The following EBF4 variants were observed in gnomAD, a reference collection of about 807,000 sequenced individuals.
The protein encoded by EBF4 is transcription factor COE4.
EBF4 carries 34 observed loss-of-function variants against 67.1 expected under a neutral mutation model. The ratio of observed to expected loss-of-function variants is 0.51; its 90% CI spans 0.39 to 0.67. The LOEUF is 0.67. EBF4 is among the 30% of genes least tolerant of loss of function. The pLI, the probability that EBF4 is intolerant of heterozygous loss-of-function variation, is 0.00. For synonymous variants in EBF4, 387 were observed against 377.7 expected (o/e 1.02, Z -0.29); for missense variants, 837 against 873.3 (o/e 0.96, Z 0.52).
At chr20:2,694,050 C>G (rs955095324) in intron 1 of EBF4, among the ~76,000 whole-genome samples, 2 of 152,342 alleles carry the variant, frequency 1.3e-5, no homozygotes, top group Admixed American at 1.3e-4. Context: ...GCCACCCCAG[C>G]CGGGCTGTCT....
intron 15 of EBF4, 39 bp from the exon 16 acceptor site, chr20:2,758,870 G>A (rs1175296564): frequency 6.5e-7 from 1 of 1,540,672 alleles, no homozygotes; most frequent in South Asian, 1.2e-5. Flanking sequence ...TTCCCAGGTG[G>A]CACATGGCTT....
In EBF4 at chr20:2,756,709, G is replaced by A. The variant is rs1055306477; in HGVS notation, c.1738+885G>A. Among the ~76,000 whole-genome samples the A allele has an allele frequency of 2.6e-4, 39 of 152,366 alleles. No homozygotes were observed. Among genetic ancestry groups the A allele is most frequent in the African/African-American group, 9.4e-4 (39 of 41,592 alleles). ...GTTCACACCCACACAGAAGGCTGCA[G>A]TGCAGTTTGTGGGGCACTGATCTGG... On this transcript the variant is annotated intron_variant, in intron 15 of 16. Coordinates refer to ENST00000609451, the Ensembl canonical transcript of EBF4. This position sits in a 1 kb window ranked among gnomAD's most constrained non-coding sequence, Gnocchi z 4.5.
intron 6 of EBF4, among the ~76,000 whole-genome samples, chr20:2,715,469 T>G (rs1206796506): frequency 6.6e-6 from 1 of 152,238 alleles, no homozygotes; most frequent in Admixed American, 6.5e-5. Flanking sequence ...CAAGAGTTTG[T>G]TTAGGATATA....
rs2088154781 is a variant in EBF4 at position 2,751,957 on chromosome 20, A to AG, written c.1144dup (p.Ala382GlyfsTer9). The AG allele has an allele frequency of 1.3e-6, 2 of 1,548,994 alleles. No homozygotes were observed. The highest frequency in any genetic ancestry group is 1.7e-6 in the Non-Finnish European group (2 of 1,146,732). Reference sequence around the variant, plus strand: ...TGAAGCGGGCGGCCGACTTGGCAGAAGCCCTGTACGGAGTGCCCGGCAGTA... The same window carrying AG: ...TGAAGCGGGCGGCCGACTTGGCAGAAGGCCCTGTACGGAGTGCCCGGCAGTA... On this transcript the variant is annotated frameshift_variant, in exon 12 of 17. Transcript: ENST00000609451. LOFTEE classifies it high-confidence loss of function. This position sits in a 1 kb window ranked among gnomAD's most constrained non-coding sequence, Gnocchi z 5.2.
At chr20:2,750,426 C>A (rs946359965) in intron 10 of EBF4, among the ~76,000 whole-genome samples, 1 of 152,252 alleles carries the variant, frequency 6.6e-6, no homozygotes, top group South Asian at 2.1e-4. Flanking sequence ...CACGCACACA[C>A]ACGTGCGTAC....
chr20:2,731,849 A>G (rs911770682), intron 6 of EBF4, among the ~76,000 whole-genome samples: 50 of 152,312 alleles, frequency 3.3e-4, no homozygotes, highest in African/African-American at 1.2e-3. Context: ...GTGAACGTGA[A>G]TTCTTAGGAA....
In EBF4 at chr20:2,705,799, ACACACACACACACAC is replaced by A. The variant is rs1568568092; in HGVS notation, c.294+67_294+81del. On this transcript the variant is annotated intron_variant, in intron 2 of 16. Transcript: ENST00000609451. ...GGAACCCCCAACCACACACACACAC[ACACACACACACACAC>A]ACACACACACACACACACACACACT... 2,858 of 1,112,804 alleles carry A rather than the reference ACACACACACACACAC, an allele frequency of 2.6e-3. 51 individuals are homozygous for A. The African/African-American group carries it at 0.06, about 23-fold the overall frequency. 68.9% of individuals were successfully genotyped at this position (1,112,804 alleles called of 1,614,324 possible).
At chr20:2,734,517 G>A (rs540751859) in intron 6 of EBF4, among the ~76,000 whole-genome samples, 79 of 152,164 alleles carry the variant, frequency 5.2e-4, no homozygotes, top group Non-Finnish European at 8.4e-4. Flanking sequence ...TTACTTTCCT[G>A]TACCTTGCAT....
chr20:2,750,077 C>T (rs2088118728), intron 10 of EBF4, 104 bp downstream of exon 10: 4 of 1,438,784 alleles, frequency 2.8e-6, no homozygotes, highest in South Asian at 1.5e-5. Flanking sequence ...GAGCTCTACG[C>T]TGTGGCCACG....
chr20:2,727,417 A>C (rs1340360674), intron 6 of EBF4, among the ~76,000 whole-genome samples: 1 of 152,162 alleles, frequency 6.6e-6, no homozygotes, highest in African/African-American at 2.4e-5. Context: ...TGAATACTCA[A>C]GTGCCACAGT....
Position 2,739,027 on chromosome 20 carries a change from G to A in EBF4, c.558-9522G>A, listed in dbSNP as rs2087929916. ...CCAGGTCCAGGCCTGGCAGGTGGCT[G>A]TGGCCCTGGGGACAGTCTATCTTGG... On this transcript the variant is annotated intron_variant, in intron 6 of 16. Transcript: ENST00000609451. The surrounding 1 kb of genome is among the most constrained non-coding windows in gnomAD (Gnocchi z 4.5). Among the ~76,000 whole-genome samples the A allele has an allele frequency of 6.6e-6, 1 of 152,176 alleles. No individual in the cohort carries two copies. Among genetic ancestry groups the A allele is most frequent in the Non-Finnish European group, 1.5e-5 (1 of 68,026 alleles).
intron 6 of EBF4, among the ~76,000 whole-genome samples, chr20:2,711,278 A>G (rs533153531): frequency 6.6e-5 from 10 of 152,316 alleles, no homozygotes; most frequent in African/African-American, 2.2e-4. Flanking sequence ...TCAGGACACA[A>G]GAAGTCTCCT....
chr20:2,697,493 C>A (rs1231040203), intron 1 of EBF4, among the ~76,000 whole-genome samples: 3 of 149,626 alleles, frequency 2.0e-5, no homozygotes, highest in African/African-American at 7.4e-5. Context: ...TGCAGTGAGC[C>A]GAGATCGCGC....
intron 1 of EBF4, among the ~76,000 whole-genome samples, chr20:2,703,256 TAAAAAAA>T (rs58171984): frequency 0.16 from 17,923 of 114,056 alleles, 1,263 homozygotes; most frequent in East Asian, 0.32. Flanking sequence ...GACCCTGTCT[TAAAAAAA>T]AAAAAAAAAA....
exon 8 of EBF4, chr20:2,749,431 G>A: frequency 6.5e-7 from 1 of 1,546,318 alleles, no homozygotes; most frequent in South Asian, 1.2e-5. Context: ...GAGCGTGGAC[G>A]GACACGTGCT....
intron 6 of EBF4, among the ~76,000 whole-genome samples, chr20:2,724,073 T>G (rs1370304289): frequency 2.0e-5 from 3 of 152,262 alleles, no homozygotes; most frequent in Non-Finnish European, 4.4e-5. Context: ...TTAGCAATGA[T>G]GTGTTGGAGC....
chr20:2,705,544 T>C, intron 1 of EBF4, 33 bp from the exon 2 acceptor site: 1 of 1,551,582 alleles, frequency 6.4e-7, no homozygotes, highest in Non-Finnish European at 8.7e-7. Flanking sequence ...TGGGGGGCCT[T>C]CCAGTGGTTT....
chr20:2,713,402 A>G (rs2087568372), intron 6 of EBF4, among the ~76,000 whole-genome samples: 1 of 152,184 alleles, frequency 6.6e-6, no homozygotes, highest in African/African-American at 2.4e-5. Flanking sequence ...CTGAGAACCA[A>G]GGTCAACAGT....
At position 2,749,866 on chromosome 20, in the gene EBF4, T is replaced by C. The variant is rs377613370; in HGVS notation, c.911T>C (p.Ile304Thr). The C allele has an allele frequency of 5.2e-6, 8 of 1,550,782 alleles. No individual in the cohort carries two copies. In the East Asian group the frequency reaches 1.5e-4, roughly 28 times the overall value. Residue 304 changes from isoleucine (I) to threonine (T), a missense_variant, in exon 10 of 17, where the codon ATC (isoleucine) becomes ACC (threonine). By Grantham distance (89) the Ile-to-Thr change is moderately conservative. Around this residue, in one of 3 missense-constraint regions of EBF4, gnomAD observed 525 missense variants for 496.5 expected, o/e 1.06. Transcript: ENST00000609451. ...TCGCAGCTCATCACGCCCCACGCCA[T>C]CCGGGTGCAGACGCCCCCGCGGCAC...
Sources: gnomAD v4.1 joint callset for allele counts (sites outside exome capture counted in the v4.1 genomes callset) on GRCh38, gnomAD v4.1.1 for gene constraint, gnomAD v4.1.1 regional missense constraint, Gnocchi (gnomAD v3.1) non-coding constraint, MANE v1.5 for transcripts, NCBI Gene and HGNC (gene_info 2026-07-23, HGNC 2026-07-21) for gene names.